Variants in NOX4 observed in about 807,000 individuals in gnomAD.
The protein encoded by NOX4 is NADPH oxidase 4.
Under a neutral mutation model 87.6 loss-of-function variants are expected in NOX4, and 69 were observed. The ratio of observed to expected loss-of-function variants is 0.79; its 90% CI spans 0.65 to 0.96. NOX4 has a LOEUF of 0.96. Among genes scored for constraint, NOX4 ranks in the 40% least tolerant of loss-of-function variants. The probability of loss-of-function intolerance (pLI) is 0.00; values close to 1 mark genes in which losing one functional copy is unlikely to be tolerated. For synonymous variants in NOX4, 275 were observed against 238.2 expected (o/e 1.15, Z -1.42); for missense variants, 680 against 681.5 (o/e 1.00, Z 0.02).
the NOX4 span, among the ~76,000 whole-genome samples, chr11:89,535,596 T>A: frequency 2.0e-5 from 3 of 152,196 alleles, no homozygotes; most frequent in Non-Finnish European, 4.4e-5. Context: ...TCTGTCTCTC[T>A]CTCCTTTCCT....
intron 8 of NOX4, among the ~76,000 whole-genome samples, chr11:89,402,971 A>C (rs1941962897): frequency 6.6e-6 from 1 of 152,190 alleles, no homozygotes; most frequent in Admixed American, 6.6e-5. Flanking sequence ...AACTTGGCCA[A>C]GCCTGGATAA....
intron 6 of NOX4, among the ~76,000 whole-genome samples, chr11:89,439,522 T>C (rs916765814): frequency 1.3e-5 from 2 of 152,156 alleles, no homozygotes; most frequent in Non-Finnish European, 2.9e-5. Context: ...ATCATAAAAT[T>C]GATTCAAAAG....
chr11:89,415,142 G>T (rs1203331695), intron 8 of NOX4, among the ~76,000 whole-genome samples: 1 of 151,946 alleles, frequency 6.6e-6, no homozygotes, highest in Non-Finnish European at 1.5e-5. Context: ...TTATAGTACT[G>T]TGCATATTAA....
intron 11 of NOX4, among the ~76,000 whole-genome samples, chr11:89,375,642 A>C (rs891131696): frequency 2.0e-4 from 30 of 151,968 alleles, no homozygotes; most frequent in African/African-American, 7.0e-4. Context: ...GAAAGCAAAC[A>C]GTTTTGTCAT....
At chr11:89,370,049 A>G (rs1939324118) in intron 12 of NOX4, among the ~76,000 whole-genome samples, 1 of 152,054 alleles carries the variant, frequency 6.6e-6, no homozygotes, top group Admixed American at 6.6e-5. Flanking sequence ...TAAGAGAGTT[A>G]TCAACTCTTT....
the NOX4 span, among the ~76,000 whole-genome samples, chr11:89,550,196 T>G: frequency 1.3e-5 from 2 of 151,784 alleles, no homozygotes; most frequent in East Asian, 3.9e-4. Context: ...CTAGTCTTTT[T>G]TTTTTTTGAG....
chr11:89,550,943 C>A, the NOX4 span, among the ~76,000 whole-genome samples: 1 of 152,242 alleles, frequency 6.6e-6, no homozygotes, highest in East Asian at 1.9e-4. Context: ...TTTAATCCAT[C>A]TTGAGTTAAT....
At chr11:89,476,881 C>A (rs972890322) in intron 2 of NOX4, among the ~76,000 whole-genome samples, 3 of 152,104 alleles carry the variant, frequency 2.0e-5, no homozygotes, top group African/African-American at 7.2e-5. Context: ...TAAATAAGTC[C>A]TATGATCCAA....
At chr11:89,498,493 G>A (rs1314753510), upstream of NOX4, among the ~76,000 whole-genome samples, 3 of 152,108 alleles carry the variant, frequency 2.0e-5, no homozygotes, top group Admixed American at 1.3e-4. Context: ...GTTGACTTGC[G>A]TTAATGCTTC....
chr11:89,425,950 T>C (rs878886009), intron 7 of NOX4, among the ~76,000 whole-genome samples: 5 of 152,172 alleles, frequency 3.3e-5, no homozygotes, highest in Admixed American at 2.0e-4. Flanking sequence ...ATATATCTTA[T>C]ATTCCTTTTT....
chr11:89,482,038 A>C (rs1229764979), intron 2 of NOX4, among the ~76,000 whole-genome samples: 6 of 151,822 alleles, frequency 4.0e-5, no homozygotes, highest in Non-Finnish European at 1.5e-5. Context: ...TATTGATGCT[A>C]CTCCTCAGAG....
the NOX4 span, among the ~76,000 whole-genome samples, chr11:89,566,143 C>T: frequency 5.3e-5 from 8 of 151,054 alleles, no homozygotes; most frequent in South Asian, 2.1e-4. Flanking sequence ...ACCGGGTTCA[C>T]GCCATTCTCC....
the NOX4 span, among the ~76,000 whole-genome samples, chr11:89,506,156 G>A: frequency 2.6e-5 from 4 of 151,382 alleles, no homozygotes; most frequent in Admixed American, 6.6e-5. Flanking sequence ...ATTCAGTGGA[G>A]AAACTGTAGT....
chr11:89,401,472 T>G (rs1007859294), intron 9 of NOX4, among the ~76,000 whole-genome samples: 1 of 152,138 alleles, frequency 6.6e-6, no homozygotes, highest in Non-Finnish European at 1.5e-5. Flanking sequence ...TATTCCAAAG[T>G]CATCTACAAA....
the NOX4 span, among the ~76,000 whole-genome samples, chr11:89,538,404 AT>A: frequency 1.3e-5 from 2 of 152,216 alleles, no homozygotes; most frequent in Admixed American, 1.3e-4. Flanking sequence ...AAAATTTAAA[AT>A]TGAATTACCT....
the NOX4 span, chr11:89,589,449 C>T: frequency 9.2e-5 from 14 of 152,178 alleles, no homozygotes; most frequent in Non-Finnish European, 8.8e-5. Flanking sequence ...CATTTTTAAG[C>T]ACTTGAATGC....
chr11:89,494,456 T>C (rs1431070166), upstream of NOX4, among the ~76,000 whole-genome samples: 4 of 152,214 alleles, frequency 2.6e-5, no homozygotes, highest in Non-Finnish European at 4.4e-5. Context: ...ATTATACGTA[T>C]GTGTGTGTCT....
At chr11:89,447,720 T>C (rs1039945006) in intron 4 of NOX4, among the ~76,000 whole-genome samples, 2 of 152,136 alleles carry the variant, frequency 1.3e-5, no homozygotes, top group African/African-American at 2.4e-5. Context: ...TTAGAACAAA[T>C]TGAGTCACGA....
intron 5 of NOX4, chr11:89,443,591 C>A (rs1179508505): frequency 6.5e-6 from 1 of 152,842 alleles, no homozygotes; most frequent in Admixed American, 6.5e-5. Context: ...TGGATGGCTT[C>A]ACATGGAGAA....
Sources: allele counts gnomAD v4.1 joint callset (sites outside exome capture counted in the v4.1 genomes callset), GRCh38; gene constraint gnomAD v4.1.1; transcripts MANE v1.5; gene names NCBI Gene and HGNC (gene_info 2026-07-23, HGNC 2026-07-21).